The following CNTN5 variants were observed in gnomAD, a reference collection of about 807,000 sequenced individuals.
The protein encoded by CNTN5 is contactin 5.
Under a neutral mutation model 129.1 loss-of-function variants are expected in CNTN5, and 77 were observed. That is an observed-to-expected ratio of 0.60 (90% confidence interval 0.50 to 0.72). The LOEUF (loss-of-function observed/expected upper bound fraction) is 0.72, where lower values mean the gene tolerates loss of function less well. Among genes scored for constraint, CNTN5 ranks in the 30% least tolerant of loss-of-function variants. The pLI is 0.00. For missense variants in CNTN5, 1,478 were observed against 1,328.8 expected, an observed-to-expected ratio of 1.11 and a Z score of -1.75; for synonymous variants, 509 against 465.6, an observed-to-expected ratio of 1.09 and a Z score of -1.20.
chr11:99,830,309 G>A (rs149124847), intron 4 of CNTN5, among the ~76,000 whole-genome samples: 1 of 152,102 alleles, frequency 6.6e-6, no homozygotes, highest in African/African-American at 2.4e-5. Flanking sequence ...CTGTGTCTAC[G>A]CAAGCTTTTA....
chr11:99,031,890 A>G (rs1863400721), intron 1 of CNTN5, among the ~76,000 whole-genome samples: 2 of 148,280 alleles, frequency 1.3e-5, no homozygotes, highest in South Asian at 2.2e-4. Flanking sequence ...AGCATTAGGT[A>G]TATCTCCCAA....
intron 9 of CNTN5, among the ~76,000 whole-genome samples, chr11:100,004,439 C>CA (rs1940068994): frequency 6.6e-6 from 1 of 152,126 alleles, no homozygotes; most frequent in Admixed American, 6.6e-5. Context: ...TATGAATGTA[C>CA]ATGTTATCTA....
intron 3 of CNTN5, among the ~76,000 whole-genome samples, chr11:99,669,496 A>T (rs1208833046): frequency 1.3e-5 from 2 of 151,774 alleles, no homozygotes; most frequent in Non-Finnish European, 2.9e-5. Flanking sequence ...ATATATACAC[A>T]TATATTTTTA....
chr11:99,146,813 C>G (rs753166450), intron 1 of CNTN5, among the ~76,000 whole-genome samples: 3 of 152,022 alleles, frequency 2.0e-5, no homozygotes, highest in Non-Finnish European at 4.4e-5. Context: ...CTTTGACCTC[C>G]TGGACTCAAT....
At chr11:99,680,748 G>A (rs559541888) in intron 3 of CNTN5, among the ~76,000 whole-genome samples, 17 of 151,966 alleles carry the variant, frequency 1.1e-4, no homozygotes, top group African/African-American at 4.1e-4. Flanking sequence ...AATATTAGAA[G>A]AATCACCGGC....
chr11:99,374,163 C>A (rs188491728), intron 2 of CNTN5, among the ~76,000 whole-genome samples: 31 of 152,280 alleles, frequency 2.0e-4, no homozygotes, highest in African/African-American at 7.0e-4. Context: ...AATTCTTTTT[C>A]TCTAATGACC....
chr11:99,875,037 G>A (rs1422558126), intron 6 of CNTN5, among the ~76,000 whole-genome samples: 1 of 152,228 alleles, frequency 6.6e-6, no homozygotes, highest in South Asian at 2.1e-4. Flanking sequence ...ATTACTGGAG[G>A]TGCTCATTGC....
chr11:99,256,996 A>G (rs1162595973), intron 1 of CNTN5, among the ~76,000 whole-genome samples: 1 of 152,130 alleles, frequency 6.6e-6, no homozygotes, highest in African/African-American at 2.4e-5. Context: ...TAATAAAAAT[A>G]ATACTGATTA....
At chr11:99,182,952 AG>A (rs1591324199) in intron 1 of CNTN5, among the ~76,000 whole-genome samples, 3 of 152,174 alleles carry the variant, frequency 2.0e-5, no homozygotes, top group Admixed American at 2.0e-4. Context: ...ATAGTTTATT[AG>A]TAGATAATGG....
At chr11:99,511,609 T>A (rs1946838084) in intron 2 of CNTN5, among the ~76,000 whole-genome samples, 1 of 151,818 alleles carries the variant, frequency 6.6e-6, no homozygotes, top group African/African-American at 2.4e-5. Context: ...GTTAACTTTC[T>A]GTCTCGTTGA....
intron 2 of CNTN5, among the ~76,000 whole-genome samples, chr11:99,515,419 G>T (rs1432716559): frequency 1.3e-5 from 2 of 152,018 alleles, no homozygotes; most frequent in Non-Finnish European, 2.9e-5. Context: ...AAAATGCATT[G>T]TTGTAGTATT....
chr11:99,696,735 C>A (rs554410016), intron 3 of CNTN5, among the ~76,000 whole-genome samples: 1 of 151,690 alleles, frequency 6.6e-6, no homozygotes, highest in South Asian at 2.1e-4. Flanking sequence ...TATAAATAGT[C>A]TCTGCAGAGA....
intron 3 of CNTN5, among the ~76,000 whole-genome samples, chr11:99,632,383 C>G (rs752305980): frequency 6.6e-6 from 1 of 152,124 alleles, no homozygotes; most frequent in East Asian, 1.9e-4. Flanking sequence ...GTAAACATGT[C>G]ATTTTTCCCA....
intron 8 of CNTN5, among the ~76,000 whole-genome samples, chr11:99,961,012 A>T (rs947597162): frequency 1.3e-5 from 2 of 151,944 alleles, no homozygotes; most frequent in East Asian, 3.9e-4. Flanking sequence ...AGACCAACCC[A>T]ACCAACATGG....
intron 21 of CNTN5, chr11:100,309,790 G>A (rs1951434313): frequency 1.5e-6 from 1 of 672,824 alleles, no homozygotes; most frequent in Non-Finnish European, 1.8e-6. Flanking sequence ...ATGGAGGAGG[G>A]ACACGTGCCT....
chr11:99,725,861 G>C lies in CNTN5; in HGVS notation c.56-93683G>C, dbSNP rs571825007. Among the ~76,000 whole-genome samples, 10 of 152,250 alleles carry C rather than the reference G, an allele frequency of 6.6e-5. No individual in the cohort carries two copies. In the South Asian group the frequency reaches 2.1e-3, roughly 32 times the overall value. On this transcript the variant is annotated intron_variant, in intron 3 of 24. Transcript: ENST00000524871. Reference sequence around the variant, plus strand: ...ATACACTGCAGATTTTGATGACCAGGCTTTCTGTAATGTGGCCTTTTAAAT... The same window carrying C: ...ATACACTGCAGATTTTGATGACCAGCCTTTCTGTAATGTGGCCTTTTAAAT...
chr11:99,595,274 G>T (rs61911120), intron 3 of CNTN5, among the ~76,000 whole-genome samples: 29,646 of 151,894 alleles, frequency 0.2, 3,234 homozygotes, highest in East Asian at 0.38. Context: ...CACCAATTTG[G>T]TCATTATACT....
intron 16 of CNTN5, among the ~76,000 whole-genome samples, chr11:100,244,717 C>T (rs1949809267): frequency 2.0e-5 from 3 of 152,040 alleles, no homozygotes; most frequent in Admixed American, 2.0e-4. Context: ...TAATATGTCC[C>T]AAGTGTCTAT....
intron 7 of CNTN5, among the ~76,000 whole-genome samples, chr11:99,918,632 CCA>C (rs1277992993): frequency 1.5e-4 from 23 of 152,048 alleles, no homozygotes; most frequent in Admixed American, 1.5e-3. Context: ...CTCTGACTTC[CCA>C]GTTTTTAGTA....
Sources: allele counts gnomAD v4.1 joint callset (sites outside exome capture counted in the v4.1 genomes callset), GRCh38; gene constraint gnomAD v4.1.1; transcripts MANE v1.5; gene names NCBI Gene and HGNC (gene_info 2026-07-23, HGNC 2026-07-21).